The following SP4 variants were observed in gnomAD, a reference collection of about 807,000 sequenced individuals.
SP4 encodes the protein Sp4 transcription factor, also known as transcription factor Sp4.
SP4 carries 19 observed loss-of-function variants against 72.8 expected under a neutral mutation model. The observed-to-expected ratio is 0.26, with a 90% CI of 0.18 to 0.38. SP4 has a LOEUF of 0.38. Among genes scored for constraint, SP4 ranks in the 10% least tolerant of loss-of-function variants. SP4 has a pLI of 1.00. For missense variants in SP4, 1,008 were observed against 926.3 expected, an observed-to-expected ratio of 1.09 and a Z score of -1.14; for synonymous variants, 395 against 333.1, an observed-to-expected ratio of 1.19 and a Z score of -2.02.
At position 21,428,659 on chromosome 7, in the gene SP4, TG is replaced by T. The variant is rs373191754; in HGVS notation, c.8-11del. ...ATAACCTGTTGTCGTGTGTGTGTGG[TG>T]GGGGGGTTTGTTGCAGATCAGAAGA... On this transcript the variant is annotated splice_polypyrimidine_tract_variant and intron_variant, in intron 1 of 5. Transcript: ENST00000222584. The T allele has an allele frequency of 9.8e-5, 147 of 1,505,738 alleles. 1 individual carries two copies. In the African/African-American group the frequency reaches 1.3e-3, roughly 14 times the overall value. The allele number at this position is 1,505,738 out of a possible 1,614,324, so 93.3% of individuals were successfully genotyped here.
intron 3 of SP4, among the ~76,000 whole-genome samples, chr7:21,448,935 T>C (rs1318795940): frequency 1.3e-5 from 2 of 152,226 alleles, no homozygotes; most frequent in Admixed American, 6.5e-5. Context: ...TTATGTATTA[T>C]GCTTTGACAT....
Position 21,489,882 on chromosome 7 carries a change from C to T in SP4, c.2107+7759C>T, listed in dbSNP as rs533058919. Among the ~76,000 whole-genome samples the T allele has an allele frequency of 8.5e-5, 13 of 152,122 alleles. 2 individuals carry two copies. The highest frequency in any genetic ancestry group is 2.9e-4 in the African/African-American group (12 of 41,532). ...CCCAGGCTGGCGTTAAACTCCTATC[C>T]TCAAGTGATCCTCCCACCTCAGCCT... On this transcript the variant is annotated intron_variant, in intron 5 of 5. Coordinates refer to ENST00000222584, the MANE Select transcript of SP4 (RefSeq NM_003112.5).
intron 3 of SP4, among the ~76,000 whole-genome samples, chr7:21,449,863 T>C (rs894783874): frequency 6.6e-6 from 1 of 152,194 alleles, no homozygotes; most frequent in African/African-American, 2.4e-5. Context: ...GGCAAGTCTT[T>C]TCTTCTTGCC....
At chr7:21,451,213 G>A (rs958866936) in intron 3 of SP4, among the ~76,000 whole-genome samples, 15 of 152,208 alleles carry the variant, frequency 9.9e-5, no homozygotes, top group African/African-American at 3.1e-4. Context: ...CTCTTAGTGT[G>A]TATGCTTGAG....
At chr7:21,488,096 C>A (rs548805435) in intron 5 of SP4, among the ~76,000 whole-genome samples, 43 of 152,178 alleles carry the variant, frequency 2.8e-4, no homozygotes, top group Non-Finnish European at 5.6e-4. Flanking sequence ...AACTCCTGAG[C>A]TCAAGCAATC....
chr7:21,428,349 G>A, intron 1 of SP4, 91 bp downstream of exon 1: 1 of 728,806 alleles, frequency 1.4e-6, no homozygotes, highest in South Asian at 1.5e-5. Flanking sequence ...CCTCCCCCGG[G>A]GCCGCTGAGA....
At chr7:21,475,126 T>G (rs914261520) in intron 3 of SP4, among the ~76,000 whole-genome samples, 3 of 152,024 alleles carry the variant, frequency 2.0e-5, no homozygotes, top group African/African-American at 4.8e-5. Context: ...TTTTGTTTTT[T>G]TTTTTGAGAC....
chr7:21,466,098 T>C (rs541521065), intron 3 of SP4, among the ~76,000 whole-genome samples: 36 of 152,336 alleles, frequency 2.4e-4, no homozygotes, highest in African/African-American at 8.4e-4. Flanking sequence ...CTGTCCTCTC[T>C]GTTAAGTAGG....
intron 5 of SP4, among the ~76,000 whole-genome samples, chr7:21,508,286 C>G (rs1782056026): frequency 1.3e-5 from 2 of 152,174 alleles, no homozygotes; most frequent in Admixed American, 1.3e-4. Flanking sequence ...GACTTGGAGA[C>G]ACAAACAATG....
chr7:21,435,081 C>G (rs1248881497), intron 3 of SP4, among the ~76,000 whole-genome samples: 1 of 152,188 alleles, frequency 6.6e-6, no homozygotes, highest in Non-Finnish European at 1.5e-5. Context: ...ATAGCTAAAT[C>G]TGTAATTAAC....
chr7:21,436,260 CT>C (rs1239449660), intron 3 of SP4, among the ~76,000 whole-genome samples: 1 of 152,028 alleles, frequency 6.6e-6, no homozygotes, highest in African/African-American at 2.4e-5. Context: ...ATGAGTAATA[CT>C]TAGGGAATAT....
chr7:21,496,082 G>A (rs1781697091), intron 5 of SP4, among the ~76,000 whole-genome samples: 1 of 152,102 alleles, frequency 6.6e-6, no homozygotes, highest in Non-Finnish European at 1.5e-5. Context: ...GTGTTTTCTA[G>A]GGCATAAGCA....
At position 21,464,070 on chromosome 7, in the gene SP4, G is replaced by A. The variant is rs972188214; in HGVS notation, c.1679-13009G>A. Reference sequence around the variant, plus strand: ...CTAAGTGCTAGCAACTATTTATTATGATAATTATTATTTATTCTTATATCT... The same window carrying A: ...CTAAGTGCTAGCAACTATTTATTATAATAATTATTATTTATTCTTATATCT... On this transcript the variant is annotated intron_variant, in intron 3 of 5. Coordinates refer to ENST00000222584, the MANE Select transcript of SP4 (RefSeq NM_003112.5). 1.3e-5 allele frequency among the ~76,000 whole-genome samples: 2 copies of A among 150,656 alleles called. 1 individual carries two copies. Among genetic ancestry groups the A allele is most frequent in the Admixed American group, 1.3e-4 (2 of 15,116 alleles).
chr7:21,479,516 C>G (rs930318030), intron 4 of SP4, among the ~76,000 whole-genome samples: 1 of 152,208 alleles, frequency 6.6e-6, no homozygotes, highest in African/African-American at 2.4e-5. Context: ...CAGTACCACA[C>G]TATCTTGAGT....
intron 2 of SP4, 59 bp from the exon 3 acceptor site, chr7:21,429,230 A>G: frequency 1.0e-6 from 1 of 986,712 alleles, no homozygotes; most frequent in Non-Finnish European, 1.5e-6. Context: ...ACTGGCCTCC[A>G]CTAAATCCGC....
At chr7:21,460,025 A>C (rs372790885) in intron 3 of SP4, among the ~76,000 whole-genome samples, 1 of 152,234 alleles carries the variant, frequency 6.6e-6, no homozygotes, top group East Asian at 1.9e-4. Context: ...AGCAGGATGA[A>C]TCTTCTGAGA....
intron 3 of SP4, among the ~76,000 whole-genome samples, chr7:21,434,009 G>C (rs1782963468): frequency 6.6e-6 from 1 of 152,106 alleles, no homozygotes; most frequent in African/African-American, 2.4e-5. Flanking sequence ...GTCTTGACAA[G>C]GGGGAGAAGG....
intron 5 of SP4, chr7:21,482,522 CAAG>C: frequency 2.8e-6 from 1 of 362,732 alleles, no homozygotes; most frequent in Non-Finnish European, 3.8e-6. Context: ...ACCAAAGTAT[CAAG>C]AATAATTAAA....
Position 21,494,126 on chromosome 7 carries a change from G to A in SP4, c.2107+12003G>A, listed in dbSNP as rs189626603. Among the ~76,000 whole-genome samples the A allele has an allele frequency of 2.9e-3, 440 of 152,226 alleles. 3 individuals are homozygous for A. Among genetic ancestry groups the A allele is most frequent in the Non-Finnish European group, 4.0e-3 (269 of 67,988 alleles). On this transcript the variant is annotated intron_variant, in intron 5 of 5. Transcript: ENST00000222584. ...AAATTCTCAGCAAACTGAGTTGAAG[G>A]AAACATCATTAACTGGGTAAAGGGC... is the stretch of plus-strand genomic sequence containing the variant.
Sources: gnomAD v4.1 joint callset for allele counts (sites outside exome capture counted in the v4.1 genomes callset) on GRCh38, gnomAD v4.1.1 for gene constraint, MANE v1.5 for transcripts, NCBI Gene and HGNC (gene_info 2026-07-23, HGNC 2026-07-21) for gene names.